FTCDNL1: variants seen among roughly 807,000 people sequenced by gnomAD.
FTCDNL1 encodes formiminotransferase cyclodeaminase N-terminal like, also known as formiminotransferase N-terminal subdomain-containing protein.
Under a neutral mutation model 5.9 loss-of-function variants are expected in FTCDNL1, and 11 were observed. That is an observed-to-expected ratio of 1.87 (90% confidence interval 1.18 to 3.10). The LOEUF is 3.10. Ranked by LOEUF, FTCDNL1 falls within the 30% of genes most tolerant of loss-of-function variation. The pLI, the probability that FTCDNL1 is intolerant of heterozygous loss-of-function variation, is 0.00. For synonymous variants in FTCDNL1, 58 were observed against 24.8 expected (o/e 2.34, Z -3.99); for missense variants, 115 against 65.5 (o/e 1.76, Z -2.61).
intron 3 of FTCDNL1, among the ~76,000 whole-genome samples, chr2:199,830,950 T>C (rs1321723080): frequency 1.3e-5 from 2 of 152,236 alleles, no homozygotes; most frequent in African/African-American, 2.4e-5. Flanking sequence ...GCATTTCGAC[T>C]GACACGTTCT....
At chr2:199,813,418 AG>A (rs1179236242) in intron 4 of FTCDNL1, among the ~76,000 whole-genome samples, 3 of 152,126 alleles carry the variant, frequency 2.0e-5, no homozygotes, top group Non-Finnish European at 4.4e-5. Context: ...AAAGTTGTTT[AG>A]GGGTGTCTTC....
chr2:199,799,176 T>A (rs1426306284), intron 3 of FTCDNL1, among the ~76,000 whole-genome samples: 1 of 152,206 alleles, frequency 6.6e-6, no homozygotes, highest in Non-Finnish European at 1.5e-5. Flanking sequence ...TCATCATATT[T>A]TTCAACAACT....
At chr2:199,833,113 T>G (rs1702484037) in intron 3 of FTCDNL1, among the ~76,000 whole-genome samples, 1 of 151,782 alleles carries the variant, frequency 6.6e-6, no homozygotes, top group Non-Finnish European at 1.5e-5. Context: ...AGATTAGAGG[T>G]ACACAGCACC....
chr2:199,827,225 T>C (rs1254993844), intron 3 of FTCDNL1, among the ~76,000 whole-genome samples: 1 of 152,234 alleles, frequency 6.6e-6, no homozygotes, highest in East Asian at 1.9e-4. Context: ...AGACACAAAT[T>C]AAATGACACC....
the FTCDNL1 span, among the ~76,000 whole-genome samples, chr2:199,667,919 A>G: frequency 6.6e-6 from 1 of 152,242 alleles, no homozygotes; most frequent in Non-Finnish European, 1.5e-5. Context: ...AAGGTCTTGC[A>G]TCACAAGAGA....
At position 199,846,156 on chromosome 2, in the gene FTCDNL1, G is replaced by A. The variant is rs2076727048; in HGVS notation, c.130C>T (p.Gln44Ter). 1.4e-6 allele frequency: 1 copy of A among 697,794 alleles called. No homozygotes were observed. The highest frequency in any genetic ancestry group is 1.8e-5 in the African/African-American group (1 of 57,068). 43.2% of individuals were successfully genotyped at this position (697,794 alleles called of 1,614,324 possible). A position where few individuals can be genotyped will look rare whatever the true frequency, so the allele number is the denominator to read the frequency against. ...GAAAATATATTGAGCACTGAAACTT[G>A]AGGATGTTTCTTTCCTGTAAAAAAA... ...LLDKNGKKHP[Q>*]VSVLNIFSDQ... Residue 44 changes from glutamine (Q) to a stop codon, truncating the protein, a stop_gained, in exon 3 of 5, where the codon CAA becomes TAA. Transcript: ENST00000420128. LOFTEE classifies it high-confidence loss of function.
the FTCDNL1 span, among the ~76,000 whole-genome samples, chr2:199,726,338 C>G: frequency 6.6e-6 from 1 of 152,158 alleles, no homozygotes; most frequent in African/African-American, 2.4e-5. Context: ...GAATATACCC[C>G]TTTAACTCAG....
downstream of FTCDNL1, among the ~76,000 whole-genome samples, chr2:199,805,958 T>C (rs1574567170): frequency 6.6e-6 from 1 of 150,528 alleles, no homozygotes; most frequent in Non-Finnish European, 1.5e-5. Flanking sequence ...AATGCGGAGC[T>C]GAGAGATAAT....
chr2:199,750,190 TA>T, the FTCDNL1 span, among the ~76,000 whole-genome samples: 5 of 148,896 alleles, frequency 3.4e-5, no homozygotes, highest in East Asian at 5.9e-4. Context: ...CCCCTCTCTA[TA>T]AAAAAAAATA....
At chr2:199,723,565 C>A in the FTCDNL1 span, among the ~76,000 whole-genome samples, 1 of 151,902 alleles carries the variant, frequency 6.6e-6, no homozygotes, top group Non-Finnish European at 1.5e-5. Flanking sequence ...TCCTTCAATA[C>A]CTAGTTTATT....
chr2:199,763,029 A>T lies in FTCDNL1; in HGVS notation c.212-2194T>A, dbSNP rs7592308. On this transcript the variant is annotated intron_variant, in intron 3 of 3. Coordinates refer to the FTCDNL1 transcript ENST00000416668. Reference sequence around the variant, plus strand: ...GTTCAATGCAGTCAATTAAACAGGGAGTTATAAAAAAGTGAAGGAGTGAAA... The same window carrying T: ...GTTCAATGCAGTCAATTAAACAGGGTGTTATAAAAAAGTGAAGGAGTGAAA... Among the ~76,000 whole-genome samples, 543 of 152,304 alleles carry T rather than the reference A, an allele frequency of 3.6e-3. 2 individuals carry two copies. Among genetic ancestry groups the T allele is most frequent in the African/African-American group, 0.011 (466 of 41,566 alleles).
At chr2:199,803,854 A>T in intron 3 of FTCDNL1, among the ~76,000 whole-genome samples, 1 of 152,184 alleles carries the variant, frequency 6.6e-6, no homozygotes, top group Non-Finnish European at 1.5e-5. Flanking sequence ...CAATAGGCTA[A>T]GAGCACTTAG....
chr2:199,825,196 GA>G (rs1251299830), intron 3 of FTCDNL1, among the ~76,000 whole-genome samples: 9 of 151,784 alleles, frequency 5.9e-5, no homozygotes, highest in Non-Finnish European at 1.2e-4. Flanking sequence ...GAAAAGGTTT[GA>G]AATATTGTGA....
At chr2:199,804,806 T>C (rs1700639865), downstream of FTCDNL1, among the ~76,000 whole-genome samples, 2 of 152,040 alleles carry the variant, frequency 1.3e-5, no homozygotes, top group Admixed American at 6.5e-5. Flanking sequence ...CTGAACCCAA[T>C]CAGGAAAACA....
At chr2:199,667,078 C>G in the FTCDNL1 span, among the ~76,000 whole-genome samples, 2 of 152,036 alleles carry the variant, frequency 1.3e-5, no homozygotes, top group African/African-American at 4.8e-5. Context: ...ACCTAAGTGC[C>G]ACTCTGAAGA....
chr2:199,776,407 C>G (rs1395970392), intron 3 of FTCDNL1, among the ~76,000 whole-genome samples: 1 of 152,194 alleles, frequency 6.6e-6, no homozygotes, highest in African/African-American at 2.4e-5. Context: ...CTTTAATGCA[C>G]TCGTGTTGCC....
At chr2:199,762,916 A>G (rs1698339868) in intron 3 of FTCDNL1, among the ~76,000 whole-genome samples, 1 of 152,246 alleles carries the variant, frequency 6.6e-6, no homozygotes, top group Non-Finnish European at 1.5e-5. Flanking sequence ...TTCAGTGTTA[A>G]CATAAAAGCA....
chr2:199,686,101 C>T, the FTCDNL1 span, among the ~76,000 whole-genome samples: 2 of 152,074 alleles, frequency 1.3e-5, no homozygotes, highest in Admixed American at 1.3e-4. Flanking sequence ...TACTTCAGAC[C>T]CCAGAATGAA....
At chr2:199,727,639 A>G in the FTCDNL1 span, among the ~76,000 whole-genome samples, 1 of 151,750 alleles carries the variant, frequency 6.6e-6, no homozygotes, top group Non-Finnish European at 1.5e-5. Context: ...CCTCAGCTGA[A>G]GCTGTAGGAT....
Sources: allele counts gnomAD v4.1 joint callset (sites outside exome capture counted in the v4.1 genomes callset), GRCh38; gene constraint gnomAD v4.1.1; transcripts MANE v1.5; gene names NCBI Gene and HGNC (gene_info 2026-07-23, HGNC 2026-07-21).